Variants in UGGT1 observed in about 807,000 individuals in gnomAD.
UGGT1 encodes the protein UDP-glucose:glycoprotein glucosyltransferase 1.
A neutral mutation model predicts 203.9 loss-of-function variants in UGGT1; 107 were observed. The observed-to-expected ratio is 0.52, with a 90% CI of 0.45 to 0.62. The LOEUF (loss-of-function observed/expected upper bound fraction) is 0.62. Ranked by LOEUF, UGGT1 falls within the 20% of genes least tolerant of loss-of-function variation. The pLI is 0.00. For missense variants in UGGT1, 1,673 were observed against 1,867.2 expected (o/e 0.90, Z 1.92); for synonymous variants, 628 against 653.5 (o/e 0.96, Z 0.59).
intron 37 of UGGT1, 30 bp downstream of exon 37, chr2:128,182,320 T>TA: frequency 3.2e-6 from 5 of 1,573,272 alleles, no homozygotes; most frequent in Non-Finnish European, 4.3e-6. Flanking sequence ...CTAACACTGT[T>TA]ACGGGGTTTT....
At chr2:128,155,623 A>T (rs1553441946) in intron 20 of UGGT1, 36 bp downstream of exon 20, 1 of 1,531,616 alleles carries the variant, frequency 6.5e-7, no homozygotes. Flanking sequence ...TGCATTCAAC[A>T]TTTTTTTGAA....
chr2:128,094,706 A>G (rs1410887958), intron 1 of UGGT1, among the ~76,000 whole-genome samples: 1 of 145,678 alleles, frequency 6.9e-6, no homozygotes, highest in Non-Finnish European at 1.5e-5. Flanking sequence ...CCTGTGGGAA[A>G]GGGTGTCTAT....
intron 23 of UGGT1, 52 bp downstream of exon 23, chr2:128,159,772 C>A: frequency 6.4e-7 from 1 of 1,566,064 alleles, no homozygotes; most frequent in South Asian, 1.1e-5. Context: ...GCCACGGAAG[C>A]TCACCCACTG....
chr2:128,131,378 A>T (rs1688870770), intron 13 of UGGT1, among the ~76,000 whole-genome samples: 1 of 152,166 alleles, frequency 6.6e-6, no homozygotes, highest in Non-Finnish European at 1.5e-5. Flanking sequence ...ACATGGTGAA[A>T]CCCTGCTGGA....
chr2:128,174,929 A>C (rs1415191203), intron 31 of UGGT1, 71 bp downstream of exon 31: 4 of 1,317,930 alleles, frequency 3.0e-6, no homozygotes, highest in Non-Finnish European at 4.2e-6. Flanking sequence ...ATTGAATACT[A>C]CCCTGGCAGT....
rs770653313 is a variant in UGGT1 at position 128,091,246 on chromosome 2, GA to G, written c.-109del. 356 of 1,215,202 alleles carry G rather than the reference GA, an allele frequency of 2.9e-4. 1 individual carries two copies. Among genetic ancestry groups the G allele is most frequent in the Middle Eastern group, 2.3e-3 (8 of 3,486 alleles). The allele number at this position is 1,215,202 out of a possible 1,614,324, so 75.3% of individuals were successfully genotyped here. On this transcript the variant is annotated 5_prime_UTR_variant, in exon 1 of 41. Transcript: ENST00000259253. ...GGCTGGGTGTTGAGTCGAGCCGCGGGAAAGGCGCGTGTCGGCCTCTCACTGG... is the reference window on the plus strand; with the variant it reads ...GGCTGGGTGTTGAGTCGAGCCGCGGGAAGGCGCGTGTCGGCCTCTCACTGG...
At chr2:128,141,953 C>CT (rs559615031) in intron 16 of UGGT1, among the ~76,000 whole-genome samples, 103 of 151,682 alleles carry the variant, frequency 6.8e-4, no homozygotes, top group African/African-American at 2.1e-3. Context: ...AGATTTTTCT[C>CT]TTTTTTTTGA....
intron 11 of UGGT1, 40 bp from the exon 12 acceptor site, chr2:128,127,321 A>T: frequency 2.1e-6 from 3 of 1,460,192 alleles, no homozygotes; most frequent in East Asian, 4.6e-5. Flanking sequence ...TTTTTAAAAC[A>T]TTCTCTCACA....
intron 13 of UGGT1, among the ~76,000 whole-genome samples, chr2:128,132,744 T>C (rs1263322064): frequency 6.6e-6 from 1 of 152,204 alleles, no homozygotes; most frequent in Non-Finnish European, 1.5e-5. Context: ...AGGGTCTTGC[T>C]CTGTTGTTCA....
At chr2:128,165,027 C>T (rs756506421) in intron 26 of UGGT1, among the ~76,000 whole-genome samples, 8 of 152,192 alleles carry the variant, frequency 5.3e-5, no homozygotes, top group Non-Finnish European at 1.0e-4. Flanking sequence ...TGTATGAAAA[C>T]TGACATTTAT....
chr2:128,139,081 A>G (rs1050871539), intron 16 of UGGT1, among the ~76,000 whole-genome samples: 1 of 152,202 alleles, frequency 6.6e-6, no homozygotes, highest in Non-Finnish European at 1.5e-5. Context: ...ATGAGAAGTA[A>G]TGGGGAAGGT....
chr2:128,176,939 C>T (rs1691425842), intron 32 of UGGT1, 41 bp downstream of exon 32: 2 of 1,564,932 alleles, frequency 1.3e-6, no homozygotes, highest in African/African-American at 2.7e-5. Context: ...TATTGGACAG[C>T]TGTCATTTAA....
chr2:128,159,694 G>A lies in UGGT1; in HGVS notation c.2536G>A (p.Ala846Thr), dbSNP rs143246608. The A allele has an allele frequency of 1.9e-6, 3 of 1,614,030 alleles. No homozygotes were observed. Among genetic ancestry groups the A allele is most frequent in the African/African-American group, 2.7e-5 (2 of 74,920 alleles). Residue 846 changes from alanine to threonine, a missense_variant, in exon 23 of 41, where the codon GCT (alanine) becomes ACT (threonine). Ala to Thr is a moderately conservative substitution (Grantham distance 58). This residue lies in a region of UGGT1 where 1,073 missense variants were observed against 1,078.7 expected (regional missense o/e 0.99). Coordinates refer to ENST00000259253, the MANE Select transcript of UGGT1 (RefSeq NM_020120.4). Reference protein sequence around the residue: ...EGAAEALAAGADIAEFSVGGM... With the variant: ...EGAAEALAAGTDIAEFSVGGM... ...GGCTGCAGAGGCCCTGGCTGCAGGA[G>A]CTGACATTGCGGAGTTCTCTGTTGG...
chr2:128,145,953 A>G lies in UGGT1; in HGVS notation c.2002A>G (p.Arg668Gly), dbSNP rs1248388425. Residue 668 changes from arginine to glycine, a missense_variant, in exon 18 of 41, where the codon AGA (arginine) becomes GGA (glycine). By Grantham distance (125) the Arg-to-Gly change is moderately radical. Transcript: ENST00000259253. ...KILETTTFFQ[R>G]AVYLGELPHD... ...CCTGGAGACCACCACCTTCTTCCAAAGAGCGGTGTACTTGGTGAGTCACGT... is the reference window on the plus strand; with the variant it reads ...CCTGGAGACCACCACCTTCTTCCAAGGAGCGGTGTACTTGGTGAGTCACGT... The G allele has an allele frequency of 1.2e-5, 20 of 1,613,822 alleles. No individual in the cohort carries two copies. The highest frequency in any genetic ancestry group is 8.5e-7 in the Non-Finnish European group (1 of 1,179,972).
Position 128,150,478 on chromosome 2 carries a change from C to CAT in UGGT1, c.2017-2305_2017-2304insTA, listed in dbSNP as rs61652433. 9.5e-3 allele frequency among the ~76,000 whole-genome samples: 1,444 copies of CAT among 152,114 alleles called. 23 individuals carry two copies. Among genetic ancestry groups the CAT allele is most frequent in the African/African-American group, 0.032 (1,319 of 41,478 alleles). ...TATGCCAGTGGTATGAAATTCAAAACAGAAATGTAAATGAAGAGAAACTTT... is the reference window on the plus strand; with the variant it reads ...TATGCCAGTGGTATGAAATTCAAAACATAGAAATGTAAATGAAGAGAAACTTT... On this transcript the variant is annotated intron_variant, in intron 18 of 40. Transcript: ENST00000259253.
chr2:128,148,160 CA>C (rs1373584370), intron 18 of UGGT1, among the ~76,000 whole-genome samples: 1 of 151,954 alleles, frequency 6.6e-6, no homozygotes, highest in Non-Finnish European at 1.5e-5. Context: ...CTCCTGGGTT[CA>C]AGTGATTCTC....
rs757202295 is a variant in UGGT1 at position 128,155,483 on chromosome 2, T to C, written c.2138-6T>C. 5.0e-6 allele frequency: 8 copies of C among 1,607,538 alleles called. No homozygotes were observed. In the East Asian group the frequency reaches 1.8e-4, roughly 36 times the overall value. On this transcript the variant is annotated splice_polypyrimidine_tract_variant and splice_region_variant and intron_variant, in intron 19 of 40. Coordinates refer to ENST00000259253, the MANE Select transcript of UGGT1 (RefSeq NM_020120.4). Reference sequence around the variant, plus strand: ...TAATATATACGTATTTCATTTTTTCTCCCAGATAACTTCTTTGTGGATGAT... The same window carrying C: ...TAATATATACGTATTTCATTTTTTCCCCCAGATAACTTCTTTGTGGATGAT...
intron 4 of UGGT1, among the ~76,000 whole-genome samples, chr2:128,109,335 C>T (rs562639238): frequency 7.5e-4 from 114 of 152,302 alleles, no homozygotes; most frequent in African/African-American, 2.2e-3. Context: ...TCCTTAGTAG[C>T]TGGGACTACA....
chr2:128,118,039 A>G (rs1287009449), intron 8 of UGGT1, among the ~76,000 whole-genome samples: 1 of 151,828 alleles, frequency 6.6e-6, no homozygotes, highest in Non-Finnish European at 1.5e-5. Context: ...AAAGTGATCA[A>G]ATAGAAATAG....
Sources: gnomAD v4.1 joint callset for allele counts (sites outside exome capture counted in the v4.1 genomes callset) on GRCh38, gnomAD v4.1.1 for gene constraint, gnomAD v4.1.1 regional missense constraint, MANE v1.5 for transcripts, NCBI Gene and HGNC (gene_info 2026-07-23, HGNC 2026-07-21) for gene names.